Variants in PLIN3 observed in about 807,000 individuals in gnomAD.
PLIN3 encodes perilipin 3.
PLIN3 carries 30 observed loss-of-function variants against 35.9 expected under a neutral mutation model. That is an observed-to-expected ratio of 0.84 (90% CI 0.62 to 1.13). The LOEUF is 1.13. Ranked by LOEUF, PLIN3 falls within the 50% of genes most tolerant of loss-of-function variation. PLIN3 has a pLI of 0.00. For missense variants in PLIN3, 603 were observed against 596.9 expected, an observed-to-expected ratio of 1.01 and a Z score of -0.11; for synonymous variants, 261 against 262.5, an observed-to-expected ratio of 0.99 and a Z score of 0.06.
chr19:4,860,085 A>G (rs1371942864), intron 2 of PLIN3, 61 bp from the exon 3 acceptor site: 1 of 1,487,166 alleles, frequency 6.7e-7, no homozygotes, highest in Non-Finnish European at 9.3e-7. Flanking sequence ...TCAGCCGGAA[A>G]CTCAGGGTGC....
At chr19:4,866,150 T>C (rs1208340000) in intron 1 of PLIN3, among the ~76,000 whole-genome samples, 1 of 151,888 alleles carries the variant, frequency 6.6e-6, no homozygotes, top group African/African-American at 2.4e-5. Flanking sequence ...CCAGAGTATC[T>C]GGGAATACAG....
chr19:4,865,021 C>T (rs924669900), intron 1 of PLIN3, among the ~76,000 whole-genome samples: 2 of 151,882 alleles, frequency 1.3e-5, no homozygotes, highest in Non-Finnish European at 2.9e-5. Flanking sequence ...GAAACACTGT[C>T]TCTACTAAAA....
At chr19:4,854,481 G>C (rs1053393437) in intron 4 of PLIN3, among the ~76,000 whole-genome samples, 2 of 151,720 alleles carry the variant, frequency 1.3e-5, no homozygotes, top group African/African-American at 4.8e-5. Flanking sequence ...TCGGCTCACC[G>C]CAACCTCCAC....
chr19:4,862,987 T>A (rs2030724071), intron 1 of PLIN3, among the ~76,000 whole-genome samples: 1 of 150,478 alleles, frequency 6.6e-6, no homozygotes, highest in Non-Finnish European at 1.5e-5. Context: ...TGAAACCCCG[T>A]CTCTACTAAA....
chr19:4,851,418 C>T (rs2030286685), intron 5 of PLIN3, among the ~76,000 whole-genome samples: 1 of 152,072 alleles, frequency 6.6e-6, no homozygotes, highest in Non-Finnish European at 1.5e-5. Flanking sequence ...GAGCTGAGAT[C>T]ACGCCATTGC....
intron 4 of PLIN3, among the ~76,000 whole-genome samples, chr19:4,854,001 T>C (rs958868862): frequency 2.0e-5 from 3 of 149,778 alleles, no homozygotes; most frequent in South Asian, 2.1e-4. Context: ...GGTGCAATCA[T>C]AGCTTACTCA....
chr19:4,841,207 CT>C (rs1172114532), intron 7 of PLIN3, among the ~76,000 whole-genome samples: 1 of 152,138 alleles, frequency 6.6e-6, no homozygotes, highest in Non-Finnish European at 1.5e-5. Flanking sequence ...GTAGAAACGA[CT>C]CAAGTGTCCT....
chr19:4,841,337 C>T lies in PLIN3; in HGVS notation c.961-1801G>A, dbSNP rs148293062. ...GCATGGGTGAGCCCTAAGGACGTCA[C>T]GCTCAGCGCGAGAAGCCGGACACAA... On this transcript the variant is annotated intron_variant, in intron 7 of 7. Coordinates refer to ENST00000221957, the MANE Select transcript of PLIN3 (RefSeq NM_005817.5). Among the ~76,000 whole-genome samples the T allele has an allele frequency of 9.9e-5, 15 of 152,238 alleles. No individual in the cohort carries two copies. The East Asian group carries it at 2.3e-3, about 24-fold the overall frequency.
intron 5 of PLIN3, among the ~76,000 whole-genome samples, chr19:4,849,484 AT>A (rs2030214742): frequency 6.6e-6 from 1 of 151,534 alleles, no homozygotes; most frequent in African/African-American, 2.4e-5. Context: ...TAATTTTTAA[AT>A]TTTTTGTAGA....
At chr19:4,847,623 G>C (rs2030144232) in intron 6 of PLIN3, 68 bp downstream of exon 6, 3 of 1,354,208 alleles carry the variant, frequency 2.2e-6, no homozygotes, top group Non-Finnish European at 3.1e-6. Context: ...AAGCCACTGA[G>C]CTCTGGGTGG....
intron 6 of PLIN3, among the ~76,000 whole-genome samples, chr19:4,847,341 C>T (rs904350200): frequency 2.6e-5 from 4 of 151,990 alleles, no homozygotes; most frequent in Admixed American, 2.6e-4. Flanking sequence ...AGGCACGCAC[C>T]ACCACAGCCA....
intron 1 of PLIN3, 43 bp from the exon 2 acceptor site, chr19:4,861,454 C>T: frequency 6.9e-7 from 1 of 1,445,306 alleles, no homozygotes; most frequent in Non-Finnish European, 9.6e-7. Flanking sequence ...CCTGGCCCCA[C>T]CTTCCAGGAG....
Position 4,843,699 on chromosome 19 carries a change from C to T in PLIN3, c.960+969G>A, listed in dbSNP as rs187128943. 1.3e-3 allele frequency among the ~76,000 whole-genome samples: 203 copies of T among 150,596 alleles called. 1 individual carries two copies. Among genetic ancestry groups the T allele is most frequent in the African/African-American group, 3.5e-3 (144 of 40,982 alleles). ...ATTAAAAAAAAAATTAGCCAGGCATCGTGGCACACGCCTGTGTTCCCAGCT... is the reference window on the plus strand; with the variant it reads ...ATTAAAAAAAAAATTAGCCAGGCATTGTGGCACACGCCTGTGTTCCCAGCT... On this transcript the variant is annotated intron_variant, in intron 7 of 7. Transcript: ENST00000221957.
intron 7 of PLIN3, among the ~76,000 whole-genome samples, chr19:4,840,629 C>T (rs1329914025): frequency 1.3e-5 from 2 of 152,090 alleles, no homozygotes; most frequent in African/African-American, 2.4e-5. Flanking sequence ...GCTGTTTGAC[C>T]TTATAAGTCA....
intron 6 of PLIN3, among the ~76,000 whole-genome samples, chr19:4,845,545 G>A (rs992848712): frequency 6.6e-6 from 1 of 152,106 alleles, no homozygotes; most frequent in Non-Finnish European, 1.5e-5. Flanking sequence ...CAAGGGGGTT[G>A]GATCAGTTGA....
At chr19:4,859,522 G>T in intron 4 of PLIN3, 68 bp downstream of exon 4, 3 of 1,331,558 alleles carry the variant, frequency 2.3e-6, no homozygotes, top group Non-Finnish European at 3.2e-6. Context: ...AGTTAAGCTG[G>T]GACCAGCGCA....
At chr19:4,847,576 G>A (rs550840374) in intron 6 of PLIN3, 115 bp downstream of exon 6, 13 of 841,170 alleles carry the variant, frequency 1.5e-5, no homozygotes, top group Non-Finnish European at 2.1e-5. Context: ...AGGAGCAAGC[G>A]GGAATGGCCC....
At chr19:4,844,579 G>A (rs149188844) in intron 7 of PLIN3, 89 bp downstream of exon 7, 149 of 1,345,220 alleles carry the variant, frequency 1.1e-4, no homozygotes, top group African/African-American at 8.2e-4. Context: ...GAAATCATTC[G>A]AAGCAGGTAG....
At chr19:4,864,118 T>A (rs967282302) in intron 1 of PLIN3, among the ~76,000 whole-genome samples, 43 of 92,138 alleles carry the variant, frequency 4.7e-4, no homozygotes, top group Non-Finnish European at 6.6e-4. Context: ...TGTGTGTGTG[T>A]GTGTGTGTGT....
Sources: gnomAD v4.1 joint callset for allele counts (sites outside exome capture counted in the v4.1 genomes callset) on GRCh38, gnomAD v4.1.1 for gene constraint, MANE v1.5 for transcripts, NCBI Gene and HGNC (gene_info 2026-07-23, HGNC 2026-07-21) for gene names.